Variants in RXFP1 observed in about 807,000 individuals in gnomAD.
RXFP1 encodes relaxin family peptide receptor 1.
In RXFP1, 73 loss-of-function variants were observed where a neutral mutation model predicts 89.8. The ratio of observed to expected loss-of-function variants is 0.81; its 90% CI spans 0.67 to 0.99. The LOEUF (loss-of-function observed/expected upper bound fraction) is 0.99. Among genes scored for constraint, RXFP1 ranks in the 50% least tolerant of loss-of-function variants. The probability of loss-of-function intolerance (pLI) is 0.00; values close to 1 mark genes in which losing one functional copy is unlikely to be tolerated. For synonymous variants in RXFP1, 277 were observed against 305.5 expected, an observed-to-expected ratio of 0.91 and a Z score of 0.97; for missense variants, 793 against 895.5, an observed-to-expected ratio of 0.89 and a Z score of 1.46.
At chr4:158,628,238 C>T (rs1767298445) in intron 10 of RXFP1, among the ~76,000 whole-genome samples, 1 of 152,164 alleles carries the variant, frequency 6.6e-6, no homozygotes, top group South Asian at 2.1e-4. Flanking sequence ...CCCGAAATCA[C>T]ATCAAGTAAC....
At chr4:158,635,122 C>G (rs1313830139) in intron 12 of RXFP1, among the ~76,000 whole-genome samples, 1 of 151,866 alleles carries the variant, frequency 6.6e-6, no homozygotes, top group Non-Finnish European at 1.5e-5. Context: ...TTGAGCAATA[C>G]TGACATCTTA....
chr4:158,560,944 AG>A (rs1359683071), intron 1 of RXFP1, among the ~76,000 whole-genome samples: 4 of 152,212 alleles, frequency 2.6e-5, no homozygotes, highest in Non-Finnish European at 5.9e-5. Context: ...GCAAGAGAGA[AG>A]GGTTTTGGGA....
chr4:158,532,074 AT>A (rs932180294), intron 1 of RXFP1, among the ~76,000 whole-genome samples: 6 of 152,044 alleles, frequency 3.9e-5, no homozygotes, highest in African/African-American at 1.4e-4. Context: ...GTTTTTCAGA[AT>A]TTTCCCCCCC....
intron 1 of RXFP1, among the ~76,000 whole-genome samples, chr4:158,543,561 G>C (rs1296749527): frequency 6.6e-6 from 1 of 152,174 alleles, no homozygotes; most frequent in Non-Finnish European, 1.5e-5. Flanking sequence ...ACAAGATGGG[G>C]ATTGTGTTAA....
At chr4:158,601,096 G>A (rs1761596308) in intron 4 of RXFP1, among the ~76,000 whole-genome samples, 1 of 151,714 alleles carries the variant, frequency 6.6e-6, no homozygotes, top group South Asian at 2.1e-4. Context: ...CCCACACAAA[G>A]GTTGAATCAT....
intron 12 of RXFP1, 99 bp downstream of exon 12, chr4:158,633,575 A>G: frequency 2.8e-6 from 2 of 704,760 alleles, no homozygotes; most frequent in East Asian, 2.9e-5. Context: ...TTAAGTGTGT[A>G]GTTGAGTAGC....
At chr4:158,581,486 T>G (rs1460197036) in intron 2 of RXFP1, among the ~76,000 whole-genome samples, 2 of 152,248 alleles carry the variant, frequency 1.3e-5, no homozygotes, top group East Asian at 3.8e-4. Context: ...TTCTATGAAG[T>G]CTTCCCTTTA....
chr4:158,641,181 G>A (rs546077154), intron 14 of RXFP1, among the ~76,000 whole-genome samples: 30 of 152,162 alleles, frequency 2.0e-4, no homozygotes, highest in Non-Finnish European at 3.4e-4. Context: ...AAAGCAATCT[G>A]ACTAAATTAA....
intron 1 of RXFP1, among the ~76,000 whole-genome samples, chr4:158,567,889 G>C (rs556704019): frequency 1.3e-5 from 2 of 152,162 alleles, no homozygotes; most frequent in Non-Finnish European, 2.9e-5. Context: ...CAACCCGCTC[G>C]GGTCTCCTTC....
intron 5 of RXFP1, among the ~76,000 whole-genome samples, chr4:158,607,398 T>A (rs1458209918): frequency 6.6e-6 from 1 of 152,226 alleles, no homozygotes; most frequent in African/African-American, 2.4e-5. Flanking sequence ...GGTTTGGATG[T>A]CAAATTAATG....
chr4:158,530,329 T>C (rs1743718253), intron 1 of RXFP1, among the ~76,000 whole-genome samples: 1 of 152,230 alleles, frequency 6.6e-6, no homozygotes, highest in Admixed American at 6.5e-5. Flanking sequence ...CATTGGCTTC[T>C]GAGATACAGC....
intron 8 of RXFP1, among the ~76,000 whole-genome samples, chr4:158,616,415 G>A (rs1232365675): frequency 6.6e-6 from 1 of 151,904 alleles, no homozygotes; most frequent in Non-Finnish European, 1.5e-5. Context: ...GGCAGACAGA[G>A]CAAGACTCTG....
intron 1 of RXFP1, among the ~76,000 whole-genome samples, chr4:158,559,707 A>C (rs891817137): frequency 5.9e-5 from 9 of 152,242 alleles, no homozygotes; most frequent in African/African-American, 2.2e-4. Flanking sequence ...CACGCAAACT[A>C]GGAAGGTAGA....
At chr4:158,536,902 A>G (rs548026571) in intron 1 of RXFP1, among the ~76,000 whole-genome samples, 2 of 152,136 alleles carry the variant, frequency 1.3e-5, no homozygotes, top group Non-Finnish European at 2.9e-5. Context: ...TTGTTGTACT[A>G]GATAGCGTTT....
intron 5 of RXFP1, chr4:158,607,139 C>T: frequency 6.5e-7 from 1 of 1,533,866 alleles, no homozygotes; most frequent in Non-Finnish European, 8.7e-7. Context: ...GGGGCAAGTA[C>T]ACATAGAAGT....
At chr4:158,622,817 T>C (rs1765876753) in intron 9 of RXFP1, among the ~76,000 whole-genome samples, 1 of 152,166 alleles carries the variant, frequency 6.6e-6, no homozygotes, top group African/African-American at 2.4e-5. Flanking sequence ...AACACTGTAT[T>C]GTATAGTGGA....
chr4:158,602,759 A>T (rs566587547), intron 4 of RXFP1, among the ~76,000 whole-genome samples: 1 of 147,996 alleles, frequency 6.8e-6, no homozygotes, highest in East Asian at 2.0e-4. Flanking sequence ...TGAATGAACA[A>T]TTTTTTTTTT....
At chr4:158,554,871 G>C (rs1750939129) in intron 1 of RXFP1, among the ~76,000 whole-genome samples, 1 of 152,118 alleles carries the variant, frequency 6.6e-6, no homozygotes, top group African/African-American at 2.4e-5. Flanking sequence ...AGAAATGATA[G>C]ATATTTTAAT....
At chr4:158,628,214 C>T (rs1767290851) in intron 10 of RXFP1, among the ~76,000 whole-genome samples, 1 of 152,146 alleles carries the variant, frequency 6.6e-6, no homozygotes, top group African/African-American at 2.4e-5. Context: ...AGTGGACTTC[C>T]TTAGGCAGAT....
Sources: gnomAD v4.1 joint callset for allele counts (sites outside exome capture counted in the v4.1 genomes callset) on GRCh38, gnomAD v4.1.1 for gene constraint, MANE v1.5 for transcripts, NCBI Gene and HGNC (gene_info 2026-07-23, HGNC 2026-07-21) for gene names.